SLC7A7: variants seen among roughly 807,000 people sequenced by gnomAD.
SLC7A7 encodes Y+L amino acid transporter 1.
In SLC7A7, 39 loss-of-function variants were observed where a neutral mutation model predicts 47.9. The observed-to-expected ratio is 0.81, with a 90% CI of 0.63 to 1.06. The LOEUF (loss-of-function observed/expected upper bound fraction) is 1.06, where lower values mean the gene tolerates loss of function less well. Among genes scored for constraint, SLC7A7 ranks in the 50% least tolerant of loss-of-function variants. SLC7A7 has a pLI of 0.00. For missense variants in SLC7A7, 588 were observed against 632.0 expected (o/e 0.93, Z 0.75); for synonymous variants, 234 against 242.8 (o/e 0.96, Z 0.34).
chr14:22,812,409 T>C (rs529229854), intron 2 of SLC7A7, among the ~76,000 whole-genome samples: 13 of 151,950 alleles, frequency 8.6e-5, no homozygotes, highest in African/African-American at 3.1e-4. Context: ...TCAGGTGATC[T>C]GCCCACTTCA....
intron 2 of SLC7A7, among the ~76,000 whole-genome samples, chr14:22,782,452 A>AT (rs1257571735): frequency 6.8e-6 from 1 of 147,216 alleles, no homozygotes; most frequent in East Asian, 2.0e-4. Flanking sequence ...TTATTTATTT[A>AT]TTTATTTATT....
chr14:22,776,117 TCCAGGACTTTCAAGAGCCAGAATATAC>T, intron 5 of SLC7A7, 51 bp downstream of exon 5: 1 of 1,596,854 alleles, frequency 6.3e-7, no homozygotes, highest in Non-Finnish European at 8.6e-7. Context: ...CTACCCCCTT[TCCAGGACTTTCAAGAGCCAGAATATAC>T]CCAGTACCCC....
chr14:22,785,106 C>G (rs1288297597), intron 2 of SLC7A7, among the ~76,000 whole-genome samples: 1 of 151,970 alleles, frequency 6.6e-6, no homozygotes, highest in East Asian at 1.9e-4. Context: ...TGGCGAAACC[C>G]CGTCTCTACT....
intron 2 of SLC7A7, among the ~76,000 whole-genome samples, chr14:22,809,255 T>C (rs949480270): frequency 2.0e-5 from 3 of 152,086 alleles, no homozygotes; most frequent in Admixed American, 2.0e-4. Flanking sequence ...TCTCGGCTAC[T>C]GCAACCTCTG....
chr14:22,788,053 A>G (rs901414744), intron 2 of SLC7A7, among the ~76,000 whole-genome samples: 1 of 152,140 alleles, frequency 6.6e-6, no homozygotes, highest in Non-Finnish European at 1.5e-5. Flanking sequence ...AGCCTGGGTG[A>G]CAGAGCGAGA....
intron 2 of SLC7A7, among the ~76,000 whole-genome samples, chr14:22,803,987 C>G (rs2039159074): frequency 1.3e-5 from 2 of 152,108 alleles, no homozygotes; most frequent in African/African-American, 4.8e-5. Flanking sequence ...AATTCCACAC[C>G]CTGCAAGCAA....
intron 5 of SLC7A7, 63 bp from the exon 6 acceptor site, chr14:22,775,999 C>T: frequency 6.8e-7 from 1 of 1,463,338 alleles, no homozygotes; most frequent in Admixed American, 1.7e-5. Flanking sequence ...CATGGATGGG[C>T]ATGCCCCCAG....
intron 2 of SLC7A7, among the ~76,000 whole-genome samples, chr14:22,807,147 C>T (rs1229043815): frequency 6.6e-6 from 1 of 152,144 alleles, no homozygotes; most frequent in Non-Finnish European, 1.5e-5. Context: ...GATCCACCAG[C>T]CTCGGCCTCC....
chr14:22,774,059 G>A lies in SLC7A7; in HGVS notation c.1303C>T (p.Pro435Ser), dbSNP rs1286561032. Residue 435 changes from proline to serine, a missense_variant, in exon 9 of 10, where the codon CCA becomes TCA. Pro to Ser is a moderately conservative substitution (Grantham distance 74). Coordinates refer to ENST00000674313, the MANE Select transcript of SLC7A7 (RefSeq NM_003982.4). ...CLCTIFLVAV[P>S]LYSDTINSLI... ...GAGTTGATAGTATCACTGTAAAGTG[G>A]AACAGCCACCAGGAAGATGGTGCAG... 6.2e-7 allele frequency: 1 copy of A among 1,614,044 alleles called. No individual in the cohort carries two copies. Among genetic ancestry groups the A allele is most frequent in the Non-Finnish European group, 8.5e-7 (1 of 1,180,038 alleles).
In SLC7A7 at chr14:22,779,095, G is replaced by T. The variant is rs10145846; in HGVS notation, c.626-158C>A. On this transcript the variant is annotated intron_variant, in intron 3 of 9. Coordinates refer to ENST00000674313, the MANE Select transcript of SLC7A7 (RefSeq NM_003982.4). ...AGTACCAGTAAGGGAACAGGAAACA[G>T]AAGAGAGACGTCTATAGAGATAGAC... 0.057 allele frequency among the ~76,000 whole-genome samples: 8,621 copies of T among 152,304 alleles called. 291 individuals are homozygous for T. The highest frequency in any genetic ancestry group is 0.082 in the African/African-American group (3,425 of 41,562).
At chr14:22,813,473 G>A (rs991124923) in intron 1 of SLC7A7, 33 bp from the exon 2 acceptor site, 10 of 1,586,178 alleles carry the variant, frequency 6.3e-6, no homozygotes, top group Admixed American at 5.1e-5. Flanking sequence ...TATAGATTAG[G>A]TGGTTGGCAA....
chr14:22,807,191 G>A (rs994081205), intron 2 of SLC7A7, among the ~76,000 whole-genome samples: 6 of 151,954 alleles, frequency 3.9e-5, no homozygotes, highest in Admixed American at 2.0e-4. Flanking sequence ...GAGCCACCGC[G>A]CCGGGCCAAC....
intron 2 of SLC7A7, chr14:22,780,418 A>G: frequency 3.6e-6 from 1 of 274,666 alleles, no homozygotes; most frequent in Non-Finnish European, 7.1e-6. Context: ...TCTCCCTCCT[A>G]CCTCCCATTC....
upstream of SLC7A7, among the ~76,000 whole-genome samples, chr14:22,818,564 C>T (rs1406656766): frequency 6.2e-5 from 9 of 146,172 alleles, no homozygotes; most frequent in African/African-American, 2.3e-4. Context: ...CAAAGGGGCT[C>T]TTCTACCCCA....
chr14:22,779,818 G>A (rs187789654), intron 3 of SLC7A7, 108 bp downstream of exon 3: 589 of 1,056,782 alleles, frequency 5.6e-4, no homozygotes, highest in Non-Finnish European at 7.5e-4. Context: ...AGTGCCCACC[G>A]AATAAGGTTA....
intron 2 of SLC7A7, among the ~76,000 whole-genome samples, chr14:22,786,546 G>A (rs1399485071): frequency 6.6e-6 from 1 of 152,294 alleles, no homozygotes; most frequent in East Asian, 1.9e-4. Flanking sequence ...TGCCGACTAC[G>A]GAGTCTCAAC....
chr14:22,795,055 T>G (rs1384365738), intron 2 of SLC7A7, among the ~76,000 whole-genome samples: 3 of 150,046 alleles, frequency 2.0e-5, no homozygotes, highest in African/African-American at 7.3e-5. Flanking sequence ...GTGGGAGTGA[T>G]GAGTATTGTT....
chr14:22,788,334 T>G (rs1471549082), intron 2 of SLC7A7, among the ~76,000 whole-genome samples: 4 of 152,166 alleles, frequency 2.6e-5, no homozygotes, highest in Non-Finnish European at 5.9e-5. Context: ...AGTATATATT[T>G]ATGTAGAATA....
At chr14:22,817,451 T>C (rs943011908), upstream of SLC7A7, among the ~76,000 whole-genome samples, 1 of 152,228 alleles carries the variant, frequency 6.6e-6, no homozygotes. Flanking sequence ...GCAATTCTCC[T>C]GCCTCAGCCT....
Sources: gnomAD v4.1 joint callset for allele counts (sites outside exome capture counted in the v4.1 genomes callset) on GRCh38, gnomAD v4.1.1 for gene constraint, MANE v1.5 for transcripts, NCBI Gene and HGNC (gene_info 2026-07-23, HGNC 2026-07-21) for gene names.